MACROD2: variants seen among roughly 807,000 people sequenced by gnomAD.
The protein encoded by MACROD2 is mono-ADP ribosylhydrolase 2.
A neutral mutation model predicts 70.4 loss-of-function variants in MACROD2; 36 were observed. The observed-to-expected ratio is 0.51, with a 90% CI of 0.39 to 0.68. MACROD2 has a LOEUF of 0.68. Ranked by LOEUF, MACROD2 falls within the 30% of genes least tolerant of loss-of-function variation. MACROD2 has a pLI of 0.00. For synonymous variants in MACROD2, 172 were observed against 178.8 expected (o/e 0.96, Z 0.30); for missense variants, 496 against 538.4 (o/e 0.92, Z 0.78).
intron 6 of MACROD2, among the ~76,000 whole-genome samples, chr20:15,377,107 G>A (rs554959711): frequency 4.7e-4 from 72 of 152,176 alleles, no homozygotes; most frequent in African/African-American, 1.7e-3. Flanking sequence ...AGCCAGGATG[G>A]TCTCGATCTC....
At chr20:15,839,273 TC>T (rs1490277777) in intron 8 of MACROD2, among the ~76,000 whole-genome samples, 1 of 152,126 alleles carries the variant, frequency 6.6e-6, no homozygotes, top group Non-Finnish European at 1.5e-5. Context: ...TTCGTCTCTT[TC>T]ATCACATGAT....
At chr20:15,544,136 G>A (rs531548055) in intron 8 of MACROD2, among the ~76,000 whole-genome samples, 12 of 152,134 alleles carry the variant, frequency 7.9e-5, no homozygotes, top group Non-Finnish European at 1.2e-4. Context: ...TAGAGTAACC[G>A]ATAGCCAAGG....
chr20:16,011,588 G>A (rs1470043112), intron 15 of MACROD2, among the ~76,000 whole-genome samples: 3 of 152,340 alleles, frequency 2.0e-5, no homozygotes, highest in East Asian at 1.9e-4. Flanking sequence ...GAGGGTGCTG[G>A]AGTTGACTGG....
At chr20:15,439,015 G>A (rs998675448) in intron 7 of MACROD2, among the ~76,000 whole-genome samples, 1 of 152,162 alleles carries the variant, frequency 6.6e-6, no homozygotes, top group Non-Finnish European at 1.5e-5. Flanking sequence ...TTGTAGGTAT[G>A]GCAGTGTCCA....
At chr20:15,770,874 A>G (rs902140980) in intron 8 of MACROD2, among the ~76,000 whole-genome samples, 1 of 152,084 alleles carries the variant, frequency 6.6e-6, no homozygotes, top group Non-Finnish European at 1.5e-5. Context: ...CCAAACACCC[A>G]AGCACACTTA....
intron 8 of MACROD2, among the ~76,000 whole-genome samples, chr20:15,573,040 A>G (rs1209885602): frequency 6.6e-6 from 1 of 152,202 alleles, no homozygotes; most frequent in Non-Finnish European, 1.5e-5. Context: ...ATCATTAAAT[A>G]ATAAAGAAGG....
chr20:15,926,574 G>A (rs1351085315), intron 10 of MACROD2, among the ~76,000 whole-genome samples: 1 of 152,190 alleles, frequency 6.6e-6, no homozygotes, highest in East Asian at 1.9e-4. Flanking sequence ...TAAGAAGGAT[G>A]GAGTGTGTGA....
intron 5 of MACROD2, among the ~76,000 whole-genome samples, chr20:15,016,482 T>C (rs753215427): frequency 6.6e-5 from 10 of 152,064 alleles, no homozygotes; most frequent in Admixed American, 1.3e-4. Flanking sequence ...TCGGAGGAGT[T>C]TGGGACACTG....
chr20:14,178,012 A>G (rs2081276796), intron 3 of MACROD2, among the ~76,000 whole-genome samples: 1 of 152,194 alleles, frequency 6.6e-6, no homozygotes, highest in Non-Finnish European at 1.5e-5. Context: ...TAACACATAA[A>G]ACATTAAAAA....
intron 5 of MACROD2, among the ~76,000 whole-genome samples, chr20:14,978,856 TATATATA>T: frequency 7.3e-6 from 1 of 136,170 alleles, no homozygotes; most frequent in East Asian, 2.0e-4. Flanking sequence ...TTATTATATA[TATATATA>T]ATATATTATA....
intron 3 of MACROD2, among the ~76,000 whole-genome samples, chr20:14,118,842 ATTT>A (rs1225541555): frequency 8.2e-6 from 1 of 121,230 alleles, no homozygotes. Flanking sequence ...AGTGACTGTG[ATTT>A]TTTTTTTTTT....
intron 15 of MACROD2, among the ~76,000 whole-genome samples, chr20:16,022,299 C>T (rs192427942): frequency 6.6e-6 from 1 of 152,174 alleles, no homozygotes; most frequent in Non-Finnish European, 1.5e-5. Context: ...GATCCGCCCA[C>T]CTCGGCCTCC....
chr20:15,539,913 G>A (rs374189564), intron 8 of MACROD2, among the ~76,000 whole-genome samples: 7 of 152,194 alleles, frequency 4.6e-5, no homozygotes, highest in African/African-American at 9.6e-5. Flanking sequence ...GCGTGAACCC[G>A]GGAGGCGGAG....
intron 3 of MACROD2, among the ~76,000 whole-genome samples, chr20:14,287,478 TTAA>T (rs2082354611): frequency 6.6e-6 from 1 of 152,158 alleles, no homozygotes; most frequent in African/African-American, 2.4e-5. Context: ...TGGCACTGAG[TTAA>T]TTAAGCCTTT....
chr20:15,533,544 G>GCT (rs3071260), intron 8 of MACROD2, among the ~76,000 whole-genome samples: 5,546 of 141,034 alleles, frequency 0.039, 145 homozygotes, highest in South Asian at 0.064. Flanking sequence ...TGTCTCTGTC[G>GCT]CTCTCTCTCT....
intron 3 of MACROD2, among the ~76,000 whole-genome samples, chr20:14,475,264 C>G (rs538256797): frequency 2.6e-5 from 4 of 152,064 alleles, no homozygotes; most frequent in African/African-American, 9.7e-5. Flanking sequence ...ACTCCATTCC[C>G]TCCAATATTT....
chr20:14,666,712 A>G (rs112914263), intron 4 of MACROD2, among the ~76,000 whole-genome samples: 4 of 151,780 alleles, frequency 2.6e-5, no homozygotes, highest in African/African-American at 9.7e-5. Context: ...ATTTCATGTG[A>G]TATACTAGAT....
At chr20:15,718,100 G>A (rs915734651) in intron 8 of MACROD2, among the ~76,000 whole-genome samples, 3 of 150,764 alleles carry the variant, frequency 2.0e-5, no homozygotes, top group East Asian at 2.0e-4. Context: ...CCGGCCCCCA[G>A]GTTCAAGTGA....
At chr20:15,592,437 A>G (rs2048692577) in intron 8 of MACROD2, among the ~76,000 whole-genome samples, 1 of 152,218 alleles carries the variant, frequency 6.6e-6, no homozygotes, top group Admixed American at 6.5e-5. Flanking sequence ...TTAGTCTGAA[A>G]TTAGGCAGGA....
Sources: allele counts gnomAD v4.1 joint callset (sites outside exome capture counted in the v4.1 genomes callset), GRCh38; gene constraint gnomAD v4.1.1; transcripts MANE v1.5; gene names NCBI Gene and HGNC (gene_info 2026-07-23, HGNC 2026-07-21).